Variants in FJX1 observed in about 807,000 individuals in gnomAD.
The protein encoded by FJX1 is four-jointed box protein 1.
A neutral mutation model predicts 28.7 loss-of-function variants in FJX1; 21 were observed. The ratio of observed to expected loss-of-function variants is 0.73; its 90% CI spans 0.52 to 1.05. FJX1 has a LOEUF of 1.05. Ranked by LOEUF, FJX1 falls within the 50% of genes least tolerant of loss-of-function variation. The pLI is 0.00. For synonymous variants in FJX1, 363 were observed against 310.0 expected (o/e 1.17, Z -1.80); for missense variants, 683 against 647.2 (o/e 1.06, Z -0.60).
Position 35,619,383 on chromosome 11 carries a change from C to T in FJX1, c.747C>T (p.Leu249=), listed in dbSNP as rs1347792974. The stretch of plus-strand genomic sequence containing the variant: ...GCCTGACACGCTGGCTGCCCAACCT[C>T]ACGGACGTGGTGGTGCCCGCGCCCT... ...VVSLTRWLPN[L]TDVVVPAPWR... The change falls in exon 1 of 1, where the codon CTC becomes CTT. Residue 249 remains leucine, a synonymous_variant. Transcript: ENST00000317811. The surrounding 1 kb of genome is among the most constrained non-coding windows in gnomAD (Gnocchi z 7.6). 22 of 1,593,642 alleles carry T rather than the reference C, an allele frequency of 1.4e-5. No individual in the cohort carries two copies. The highest frequency in any genetic ancestry group is 1.8e-5 in the Non-Finnish European group (21 of 1,177,720).
rs776424047 is a variant in FJX1 at position 35,619,624 on chromosome 11, C to A, written c.988C>A (p.Pro330Thr). ...TGCCACCAGCAACCTGCACCGCGGT[C>A]CGGGCGGGGCGCTGGTCTTTCTGGA... Reference protein sequence around the residue: ...QRATSNLHRGPGGALVFLDNE... With the variant: ...QRATSNLHRGTGGALVFLDNE... Residue 330 changes from proline to threonine, a missense_variant, in exon 1 of 1, where the codon CCG becomes ACG. Physicochemically the swap from Pro to Thr is conservative, Grantham distance 38. Transcript: ENST00000317811. The surrounding 1 kb of genome is among the most constrained non-coding windows in gnomAD (Gnocchi z 7.6). 4 of 1,610,126 alleles carry A rather than the reference C, an allele frequency of 2.5e-6. No individual in the cohort carries two copies. Among genetic ancestry groups the A allele is most frequent in the Non-Finnish European group, 3.4e-6 (4 of 1,179,798 alleles).
At position 35,618,751 on chromosome 11, in the gene FJX1, TC is replaced by T; in HGVS notation, c.118del (p.Arg40GlyfsTer38). ...LLPPRTELPASRPPEDRLPRR... is the reference protein window; with the variant it reads ...LLPPRTELPAXRPPEDRLPRR... ...GCCGCCGCGGACCGAGCTGCCCGCCTCCCGGCCGCCCGAAGACCGACTCCCA... is the reference window on the plus strand; with the variant it reads ...GCCGCCGCGGACCGAGCTGCCCGCCTCCGGCCGCCCGAAGACCGACTCCCA... On this transcript the variant is annotated frameshift_variant, in exon 1 of 1. Coordinates refer to ENST00000317811, the MANE Select transcript of FJX1 (RefSeq NM_014344.4). LOFTEE classifies it high-confidence loss of function. The surrounding 1 kb of genome is among the most constrained non-coding windows in gnomAD (Gnocchi z 4.2). 7.9e-7 allele frequency: 1 copy of T among 1,262,650 alleles called. No individual in the cohort carries two copies. Among genetic ancestry groups the T allele is most frequent in the South Asian group, 2.2e-5 (1 of 46,200 alleles). 78.2% of individuals were successfully genotyped at this position (1,262,650 alleles called of 1,614,324 possible). A position where few individuals can be genotyped will look rare whatever the true frequency, so the allele number is the denominator to read the frequency against.
rs767460825 is a variant in FJX1, at chr11:35,619,386, G to A, written c.750G>A (p.Thr250=). Reference sequence around the variant, plus strand: ...TGACACGCTGGCTGCCCAACCTCACGGACGTGGTGGTGCCCGCGCCCTGGC... The same window carrying A: ...TGACACGCTGGCTGCCCAACCTCACAGACGTGGTGGTGCCCGCGCCCTGGC... ...VSLTRWLPNL[T]DVVVPAPWRS... Residue 250 remains threonine, a synonymous_variant, in exon 1 of 1, where the codon ACG becomes ACA. Transcript: ENST00000317811. This position sits in a 1 kb window ranked among gnomAD's most constrained non-coding sequence, Gnocchi z 7.6. The A allele has an allele frequency of 5.0e-6, 8 of 1,594,128 alleles. No individual in the cohort carries two copies. In the East Asian group the frequency reaches 1.8e-4, roughly 36 times the overall value.
Position 35,619,168 on chromosome 11 carries a change from T to G in FJX1, c.532T>G (p.Cys178Gly). The stretch of plus-strand genomic sequence containing the variant: ...CCGTTTTGCCGACGGCACCCGCGCC[T>G]GCGTGCGCTACGGCATCAACCCGGA... ...LARFADGTRA[C>G]VRYGINPEQI... Residue 178 changes from cysteine (C) to glycine (G), a missense_variant, in exon 1 of 1, where the codon TGC becomes GGC. Coordinates refer to ENST00000317811, the MANE Select transcript of FJX1 (RefSeq NM_014344.4). The surrounding 1 kb of genome is among the most constrained non-coding windows in gnomAD (Gnocchi z 7.6). 3 of 1,577,546 alleles carry G rather than the reference T, an allele frequency of 1.9e-6. No individual in the cohort carries two copies. Among genetic ancestry groups the G allele is most frequent in the Non-Finnish European group, 2.6e-6 (3 of 1,172,128 alleles).
Position 35,619,060 on chromosome 11 carries a change from G to A in FJX1, c.424G>A (p.Ala142Thr). 1 of 1,471,194 alleles carries A rather than the reference G, an allele frequency of 6.8e-7. No individual in the cohort carries two copies. The highest frequency in any genetic ancestry group is 8.9e-7 in the Non-Finnish European group (1 of 1,124,044). 91.1% of individuals were successfully genotyped at this position (1,471,194 alleles called of 1,614,324 possible). A position where few individuals can be genotyped will look rare whatever the true frequency, so the allele number is the denominator to read the frequency against. ...VPPGFSEAQA[A>T]AWLEAARGAR... ...CCCGGGCTTTTCGGAGGCCCAGGCG[G>A]CGGCGTGGCTGGAGGCGGCTCGCGG... The change falls in exon 1 of 1, where the codon GCG becomes ACG. Residue 142 changes from alanine to threonine, a missense_variant. Ala to Thr is a moderately conservative substitution (Grantham distance 58). Coordinates refer to ENST00000317811, the MANE Select transcript of FJX1 (RefSeq NM_014344.4). The surrounding 1 kb of genome is among the most constrained non-coding windows in gnomAD (Gnocchi z 7.6).
rs1332947125 is a variant in FJX1, at chr11:35,618,770, G to A, written c.134G>A (p.Arg45Gln). 24 of 1,256,464 alleles carry A rather than the reference G, an allele frequency of 1.9e-5. No individual in the cohort carries two copies. In the South Asian group the frequency reaches 4.4e-4, roughly 23 times the overall value. The allele number at this position is 1,256,464 out of a possible 1,614,324, so 77.8% of individuals were successfully genotyped here. Reference protein sequence around the residue: ...ELPASRPPEDRLPRRPARSGG... With the variant: ...ELPASRPPEDQLPRRPARSGG... ...CCCGCCTCCCGGCCGCCCGAAGACC[G>A]ACTCCCACGGCGCCCGGCCCGGAGC... The change falls in exon 1 of 1, where the codon CGA becomes CAA. Residue 45 changes from arginine to glutamine, a missense_variant. By Grantham distance (43) the Arg-to-Gln change is conservative. Transcript: ENST00000317811. This position sits in a 1 kb window ranked among gnomAD's most constrained non-coding sequence, Gnocchi z 4.2.
chr11:35,618,794 G>T lies in FJX1; in HGVS notation c.158G>T (p.Ser53Ile). 1 of 1,250,620 alleles carries T rather than the reference G, an allele frequency of 8.0e-7. No homozygotes were observed. The highest frequency in any genetic ancestry group is 1.0e-6 in the Non-Finnish European group (1 of 999,400). The allele number at this position is 1,250,620 out of a possible 1,614,324, so 77.5% of individuals were successfully genotyped here. Residue 53 changes from serine to isoleucine, a missense_variant, in exon 1 of 1, where the codon AGC becomes ATC. Coordinates refer to ENST00000317811, the MANE Select transcript of FJX1 (RefSeq NM_014344.4). This position sits in a 1 kb window ranked among gnomAD's most constrained non-coding sequence, Gnocchi z 4.2. Reference sequence around the variant, plus strand: ...CGACTCCCACGGCGCCCGGCCCGGAGCGGCGGCCCCGCGCCCGCGCCTCGC... The same window carrying T: ...CGACTCCCACGGCGCCCGGCCCGGATCGGCGGCCCCGCGCCCGCGCCTCGC... Reference protein sequence around the residue: ...EDRLPRRPARSGGPAPAPRFP... With the variant: ...EDRLPRRPARIGGPAPAPRFP...
chr11:35,619,019 T>C lies in FJX1; in HGVS notation c.383T>C (p.Leu128Pro). The stretch of plus-strand genomic sequence containing the variant: ...GGGGGCGTCTTCTGGAGCCGCGGCC[T>C]GGAGGAGCAGGTGCCCCCGGGCTTT... ...VHGGVFWSRGLEEQVPPGFSE... is the reference protein window; with the variant it reads ...VHGGVFWSRGPEEQVPPGFSE... Residue 128 changes from leucine (L) to proline (P), a missense_variant, in exon 1 of 1, where the codon CTG becomes CCG. Physicochemically the swap from Leu to Pro is moderately conservative, Grantham distance 98. Coordinates refer to ENST00000317811, the MANE Select transcript of FJX1 (RefSeq NM_014344.4). This position sits in a 1 kb window ranked among gnomAD's most constrained non-coding sequence, Gnocchi z 7.6. The C allele has an allele frequency of 6.8e-7, 1 of 1,468,726 alleles. No individual in the cohort carries two copies. 91.0% of individuals were successfully genotyped at this position (1,468,726 alleles called of 1,614,324 possible).
Position 35,619,844 on chromosome 11 carries a change from C to T in FJX1, c.1208C>T (p.Ala403Val). The T allele has an allele frequency of 1.3e-6, 2 of 1,554,364 alleles. No individual in the cohort carries two copies. The highest frequency in any genetic ancestry group is 8.7e-7 in the Non-Finnish European group (1 of 1,149,412). The change falls in exon 1 of 1, where the codon GCC (alanine) becomes GTC (valine). Residue 403 changes from alanine to valine, a missense_variant. Coordinates refer to ENST00000317811, the MANE Select transcript of FJX1 (RefSeq NM_014344.4). The surrounding 1 kb of genome is among the most constrained non-coding windows in gnomAD (Gnocchi z 7.6). ...RRHEPRFPEL[A>V]ALADPHAQLL... ...CACGAGCCTCGCTTCCCCGAGCTGG[C>T]CGCCCTTGCAGACCCCCACGCTCAG...
At position 35,618,770 on chromosome 11, in the gene FJX1, G is replaced by T. The variant is rs1332947125; in HGVS notation, c.134G>T (p.Arg45Leu). The T allele has an allele frequency of 4.8e-6, 6 of 1,256,574 alleles. No individual in the cohort carries two copies. The South Asian group carries it at 7.3e-5, about 15-fold the overall frequency. The allele number at this position is 1,256,574 out of a possible 1,614,324, so 77.8% of individuals were successfully genotyped here. ...CCCGCCTCCCGGCCGCCCGAAGACC[G>T]ACTCCCACGGCGCCCGGCCCGGAGC... ...ELPASRPPED[R>L]LPRRPARSGG... Residue 45 changes from arginine to leucine, a missense_variant, in exon 1 of 1, where the codon CGA becomes CTA. By Grantham distance (102) the Arg-to-Leu change is moderately radical. Coordinates refer to ENST00000317811, the MANE Select transcript of FJX1 (RefSeq NM_014344.4). This position sits in a 1 kb window ranked among gnomAD's most constrained non-coding sequence, Gnocchi z 4.2.
rs575037505 is a variant in FJX1, at chr11:35,619,839, G to C, written c.1203G>C (p.Glu401Asp). 6.4e-7 allele frequency: 1 copy of C among 1,553,288 alleles called. No individual in the cohort carries two copies. Among genetic ancestry groups the C allele is most frequent in the South Asian group, 1.2e-5 (1 of 84,242 alleles). ...LYRRHEPRFPELAALADPHAQ... is the reference protein window; with the variant it reads ...LYRRHEPRFPDLAALADPHAQ... Reference sequence around the variant, plus strand: ...GGCGCCACGAGCCTCGCTTCCCCGAGCTGGCCGCCCTTGCAGACCCCCACG... The same window carrying C: ...GGCGCCACGAGCCTCGCTTCCCCGACCTGGCCGCCCTTGCAGACCCCCACG... Residue 401 changes from glutamate (E) to aspartate (D), a missense_variant, in exon 1 of 1, where the codon GAG (glutamate) becomes GAC (aspartate). Transcript: ENST00000317811. This position sits in a 1 kb window ranked among gnomAD's most constrained non-coding sequence, Gnocchi z 7.6.
Position 35,618,670 on chromosome 11 carries a change from G to C in FJX1, c.34G>C (p.Ala12Pro). Residue 12 changes from alanine (A) to proline (P), a missense_variant, in exon 1 of 1, where the codon GCG becomes CCG. Ala to Pro is a conservative substitution (Grantham distance 27, BLOSUM62 -1). Coordinates refer to ENST00000317811, the MANE Select transcript of FJX1 (RefSeq NM_014344.4). This position sits in a 1 kb window ranked among gnomAD's most constrained non-coding sequence, Gnocchi z 4.2. ...GAGGATGCGGGGCGCCGCCGCCACC[G>C]CGGGGCTCTGGCTGCTGGCGCTGGG... Reference protein sequence around the residue: ...GRRMRGAAATAGLWLLALGSL... With the variant: ...GRRMRGAAATPGLWLLALGSL... The C allele has an allele frequency of 8.1e-7, 1 of 1,234,564 alleles. No individual in the cohort carries two copies. Among genetic ancestry groups the C allele is most frequent in the Non-Finnish European group, 1.0e-6 (1 of 984,818 alleles). The allele number at this position is 1,234,564 out of a possible 1,614,324, so 76.5% of individuals were successfully genotyped here.
Position 35,619,079 on chromosome 11 carries a change from C to A in FJX1, c.443C>A (p.Ala148Asp). Reference sequence around the variant, plus strand: ...CAGGCGGCGGCGTGGCTGGAGGCGGCTCGCGGCGCCCGGATGGTGGCCCTG... The same window carrying A: ...CAGGCGGCGGCGTGGCTGGAGGCGGATCGCGGCGCCCGGATGGTGGCCCTG... ...EAQAAAWLEA[A>D]RGARMVALER... The change falls in exon 1 of 1, where the codon GCT becomes GAT. Residue 148 changes from alanine (A) to aspartate (D), a missense_variant. Coordinates refer to ENST00000317811, the MANE Select transcript of FJX1 (RefSeq NM_014344.4). This position sits in a 1 kb window ranked among gnomAD's most constrained non-coding sequence, Gnocchi z 7.6. The A allele has an allele frequency of 6.7e-7, 1 of 1,483,492 alleles. No individual in the cohort carries two copies. Among genetic ancestry groups the A allele is most frequent in the Non-Finnish European group, 8.9e-7 (1 of 1,129,398 alleles). 91.9% of individuals were successfully genotyped at this position (1,483,492 alleles called of 1,614,324 possible).
Position 35,618,811 on chromosome 11 carries a change from G to GCGCCTCGCTTCCCTCTGCCCC in FJX1, c.180_200dup (p.Arg61_Pro67dup). The GCGCCTCGCTTCCCTCTGCCCC allele has an allele frequency of 7.9e-7, 1 of 1,261,912 alleles. No homozygotes were observed. The highest frequency in any genetic ancestry group is 9.9e-7 in the Non-Finnish European group (1 of 1,008,178). The allele number at this position is 1,261,912 out of a possible 1,614,324, so 78.2% of individuals were successfully genotyped here. A position where few individuals can be genotyped will look rare whatever the true frequency, so the allele number is the denominator to read the frequency against. On this transcript the variant is annotated inframe_insertion, in exon 1 of 1. Coordinates refer to ENST00000317811, the MANE Select transcript of FJX1 (RefSeq NM_014344.4). The surrounding 1 kb of genome is among the most constrained non-coding windows in gnomAD (Gnocchi z 4.2). The stretch of plus-strand genomic sequence containing the variant: ...GGCCCGGAGCGGCGGCCCCGCGCCC[G>GCGCCTCGCTTCCCTCTGCCCC]CGCCTCGCTTCCCTCTGCCCCCGCC...
In FJX1 at chr11:35,620,089, A is replaced by T. The variant is rs898136944; in HGVS notation, c.*139A>T. ...GTCTAAAAACTTCAGCTTTTCACCCACCTGCCCCTTTCTTTCAATCCCACG... is the reference window on the plus strand; with the variant it reads ...GTCTAAAAACTTCAGCTTTTCACCCTCCTGCCCCTTTCTTTCAATCCCACG... On this transcript the variant is annotated 3_prime_UTR_variant, in exon 1 of 1. Coordinates refer to ENST00000317811, the MANE Select transcript of FJX1 (RefSeq NM_014344.4). The T allele has an allele frequency of 1.2e-5, 16 of 1,293,560 alleles. No individual in the cohort carries two copies. In the African/African-American group the frequency reaches 2.4e-4, roughly 20 times the overall value. The allele number at this position is 1,293,560 out of a possible 1,614,324, so 80.1% of individuals were successfully genotyped here.
chr11:35,619,766 A>T lies in FJX1; in HGVS notation c.1130A>T (p.Glu377Val), dbSNP rs1452300687. 1 of 1,553,804 alleles carries T rather than the reference A, an allele frequency of 6.4e-7. No individual in the cohort carries two copies. Among genetic ancestry groups the T allele is most frequent in the Non-Finnish European group, 8.7e-7 (1 of 1,149,790 alleles). ...GAGCGGACCGCGCGGCGCGTCCTGG[A>T]GCTGCACCGCGGACAGGACGCCGCG... is the stretch of plus-strand genomic sequence containing the variant. ...FRERTARRVL[E>V]LHRGQDAAAR... The change falls in exon 1 of 1, where the codon GAG becomes GTG. Residue 377 changes from glutamate (E) to valine (V), a missense_variant. Coordinates refer to ENST00000317811, the MANE Select transcript of FJX1 (RefSeq NM_014344.4). The surrounding 1 kb of genome is among the most constrained non-coding windows in gnomAD (Gnocchi z 7.6).
In FJX1 at chr11:35,618,938, C is replaced by G; in HGVS notation, c.302C>G (p.Pro101Arg). 6.8e-7 allele frequency: 1 copy of G among 1,466,090 alleles called. No homozygotes were observed. The highest frequency in any genetic ancestry group is 3.0e-5 in the East Asian group (1 of 33,694). The allele number at this position is 1,466,090 out of a possible 1,614,324, so 90.8% of individuals were successfully genotyped here. The part of the protein sequence containing the change: ...DGPPRQSRSE[P>R]RWHVSARQPR... ...CCGCCCCGGCAGTCCCGGAGCGAGC[C>G]CAGGTGGCACGTGTCAGCCAGGCAG... is the stretch of plus-strand genomic sequence containing the variant. The change falls in exon 1 of 1, where the codon CCC becomes CGC. Residue 101 changes from proline to arginine, a missense_variant. Pro to Arg is a moderately radical substitution (Grantham distance 103). Coordinates refer to ENST00000317811, the MANE Select transcript of FJX1 (RefSeq NM_014344.4). The surrounding 1 kb of genome is among the most constrained non-coding windows in gnomAD (Gnocchi z 4.2).
chr11:35,619,297 CAGTGGGCG>C lies in FJX1; in HGVS notation c.662_669del (p.Gln221ProfsTer51). The C allele has an allele frequency of 6.4e-7, 1 of 1,555,020 alleles. No individual in the cohort carries two copies. ...GGCTCGGGTGGAGGCTCGGGGCGCG[CAGTGGGCG>C]CAGGTGCAGGAGGAGCTGCGCGCTG... is the stretch of plus-strand genomic sequence containing the variant. On this transcript the variant is annotated frameshift_variant, in exon 1 of 1. Coordinates refer to ENST00000317811, the MANE Select transcript of FJX1 (RefSeq NM_014344.4). LOFTEE classifies it high-confidence loss of function. The surrounding 1 kb of genome is among the most constrained non-coding windows in gnomAD (Gnocchi z 7.6).
Position 35,618,564 on chromosome 11 carries a change from G to A in FJX1, c.-73G>A. ...CCGGAGCCCACAAACTGCCGGGCCC[G>A]CCTCGCCGCCGGGACCCGGGTGCCT... On this transcript the variant is annotated 5_prime_UTR_variant, in exon 1 of 1. Coordinates refer to ENST00000317811, the MANE Select transcript of FJX1 (RefSeq NM_014344.4). This position sits in a 1 kb window ranked among gnomAD's most constrained non-coding sequence, Gnocchi z 4.2. 1 of 1,080,104 alleles carries A rather than the reference G, an allele frequency of 9.3e-7. No homozygotes were observed. Among genetic ancestry groups the A allele is most frequent in the Non-Finnish European group, 1.1e-6 (1 of 892,504 alleles). 66.9% of individuals were successfully genotyped at this position (1,080,104 alleles called of 1,614,324 possible).
Sources: allele counts gnomAD v4.1 joint callset, GRCh38; gene constraint gnomAD v4.1.1; non-coding constraint Gnocchi (gnomAD v3.1); transcripts MANE v1.5; gene names NCBI Gene and HGNC (gene_info 2026-07-23, HGNC 2026-07-21).